The following STAU2 variants were observed in gnomAD, a reference collection of about 807,000 sequenced individuals.
STAU2 encodes double-stranded RNA-binding protein Staufen homolog 2.
A neutral mutation model predicts 65.9 loss-of-function variants in STAU2; 20 were observed. That is an observed-to-expected ratio of 0.30 (90% CI 0.21 to 0.44). STAU2 has a LOEUF of 0.44. STAU2 is among the 20% of genes least tolerant of loss of function. The probability of loss-of-function intolerance (pLI) is 1.00; values close to 1 mark genes in which losing one functional copy is unlikely to be tolerated. For missense variants in STAU2, 558 were observed against 683.9 expected (o/e 0.82, Z 2.05); for synonymous variants, 232 against 233.9 (o/e 0.99, Z 0.07).
intron 6 of STAU2, among the ~76,000 whole-genome samples, chr8:73,655,753 A>G (rs1487806504): frequency 7.1e-6 from 1 of 141,070 alleles, no homozygotes; most frequent in Non-Finnish European, 1.5e-5. Flanking sequence ...GGTTCACGCC[A>G]TTCTCCTGCC....
intron 3 of STAU2, among the ~76,000 whole-genome samples, chr8:73,719,356 G>A (rs1012925334): frequency 3.9e-5 from 6 of 152,044 alleles, no homozygotes; most frequent in Non-Finnish European, 8.8e-5. Flanking sequence ...AGTGAGCCGA[G>A]ATCGTGCCAC....
At chr8:73,722,942 ACACTT>A (rs574957509) in intron 3 of STAU2, among the ~76,000 whole-genome samples, 84 of 152,338 alleles carry the variant, frequency 5.5e-4, no homozygotes, top group African/African-American at 1.8e-3. Flanking sequence ...AGCTACACAT[ACACTT>A]AAGAAAGATT....
Position 73,734,801 on chromosome 8 carries a change from A to T in STAU2, c.-18+3483T>A, listed in dbSNP as rs201752466. On this transcript the variant is annotated intron_variant, in intron 3 of 14. Coordinates refer to ENST00000524300, the MANE Select transcript of STAU2 (RefSeq NM_001164380.2). ...AGAGTGAGACTCCATCTCAAAAAATAAAAAATAAAAAAGCATCTAATTCAG... is the reference window on the plus strand; with the variant it reads ...AGAGTGAGACTCCATCTCAAAAAATTAAAAATAAAAAAGCATCTAATTCAG... 0.013 allele frequency among the ~76,000 whole-genome samples: 2,006 copies of T among 150,626 alleles called. 71 individuals are homozygous for T. The East Asian group carries it at 0.15, about 11-fold the overall frequency.
At chr8:73,702,436 T>C (rs1820179877) in intron 4 of STAU2, among the ~76,000 whole-genome samples, 1 of 152,110 alleles carries the variant, frequency 6.6e-6, no homozygotes, top group African/African-American at 2.4e-5. Context: ...TTGTTCTTTT[T>C]CTTCACATAG....
intron 13 of STAU2, among the ~76,000 whole-genome samples, chr8:73,467,489 G>A (rs1016132489): frequency 2.6e-5 from 4 of 152,094 alleles, no homozygotes; most frequent in South Asian, 2.1e-4. Context: ...CCGAGATCGC[G>A]CCACTGCACT....
intron 11 of STAU2, among the ~76,000 whole-genome samples, chr8:73,586,073 T>C (rs1419287234): frequency 6.6e-6 from 1 of 152,138 alleles, no homozygotes; most frequent in African/African-American, 2.4e-5. Context: ...AATTACCCAA[T>C]CTCTAGCAGT....
intron 12 of STAU2, among the ~76,000 whole-genome samples, chr8:73,572,174 C>A (rs1326309404): frequency 6.6e-6 from 1 of 152,186 alleles, no homozygotes; most frequent in African/African-American, 2.4e-5. Context: ...TTTCTGGACA[C>A]ATACACCCTC....
chr8:73,612,080 C>T lies in STAU2; in HGVS notation c.891+1664G>A, dbSNP rs535006089. On this transcript the variant is annotated intron_variant, in intron 9 of 14. Coordinates refer to ENST00000524300, the MANE Select transcript of STAU2 (RefSeq NM_001164380.2). Reference sequence around the variant, plus strand: ...GACCAGTTTTGTGCCACCATTCCAACATAAAATGCTGTTCCTCCATCACAG... The same window carrying T: ...GACCAGTTTTGTGCCACCATTCCAATATAAAATGCTGTTCCTCCATCACAG... Among the ~76,000 whole-genome samples the T allele has an allele frequency of 6.6e-4, 101 of 152,264 alleles. 2 individuals are homozygous for T. Among genetic ancestry groups the T allele is most frequent in the Non-Finnish European group, 6.9e-4 (47 of 68,008 alleles).
At chr8:73,647,768 T>C (rs781445755) in intron 6 of STAU2, among the ~76,000 whole-genome samples, 11 of 151,784 alleles carry the variant, frequency 7.2e-5, no homozygotes, top group South Asian at 2.1e-4. Flanking sequence ...TTTGTAGAGA[T>C]AGGATCTCAC....
intron 11 of STAU2, among the ~76,000 whole-genome samples, chr8:73,585,142 T>C (rs1407953854): frequency 6.6e-6 from 1 of 150,852 alleles, no homozygotes; most frequent in Non-Finnish European, 1.5e-5. Context: ...ATCTGTTTTA[T>C]TTGACTAAAC....
intron 13 of STAU2, among the ~76,000 whole-genome samples, chr8:73,482,966 T>C (rs1820714615): frequency 6.6e-6 from 1 of 152,150 alleles, no homozygotes; most frequent in African/African-American, 2.4e-5. Context: ...CCATATCTCT[T>C]ATAATTTCCT....
intron 13 of STAU2, among the ~76,000 whole-genome samples, chr8:73,462,285 G>A (rs1819404186): frequency 6.6e-6 from 1 of 151,752 alleles, no homozygotes; most frequent in African/African-American, 2.4e-5. Context: ...ATAGAGACAG[G>A]GTTTTCCCAT....
rs571652606 is a variant in STAU2, at chr8:73,711,242, T to G, written c.-17-2080A>C. Among the ~76,000 whole-genome samples, 3 of 151,954 alleles carry G rather than the reference T, an allele frequency of 2.0e-5. No homozygotes were observed. In the East Asian group the frequency reaches 5.8e-4, roughly 29 times the overall value. On this transcript the variant is annotated intron_variant, in intron 3 of 14. Coordinates refer to ENST00000524300, the MANE Select transcript of STAU2 (RefSeq NM_001164380.2). ...AAAACCTGCATTTTACCTATTCCATTGCATGTCACACAAATTTTATAAAAC... is the reference window on the plus strand; with the variant it reads ...AAAACCTGCATTTTACCTATTCCATGGCATGTCACACAAATTTTATAAAAC...
intron 13 of STAU2, chr8:73,550,219 A>T: frequency 1.0e-6 from 1 of 985,324 alleles, no homozygotes; most frequent in Non-Finnish European, 1.2e-6. Context: ...TTGGAAACAT[A>T]TAACGTGTCC....
chr8:73,575,075 AG>A (rs1809427824), intron 12 of STAU2, among the ~76,000 whole-genome samples: 2 of 151,344 alleles, frequency 1.3e-5, no homozygotes, highest in African/African-American at 4.8e-5. Flanking sequence ...AAAAGAAAAC[AG>A]AGAAGAATTT....
intron 3 of STAU2, among the ~76,000 whole-genome samples, chr8:73,720,284 T>C (rs1205890576): frequency 9.3e-6 from 1 of 107,636 alleles, no homozygotes; most frequent in Non-Finnish European, 1.9e-5. Flanking sequence ...AAAAAAGCTA[T>C]TCAGGTTATC....
chr8:73,592,287 TCTG>T (rs1384702522), intron 11 of STAU2, among the ~76,000 whole-genome samples: 9 of 152,020 alleles, frequency 5.9e-5, no homozygotes, highest in African/African-American at 2.2e-4. Flanking sequence ...CATTACAGAT[TCTG>T]CTACTACTAA....
At chr8:73,597,503 A>AT (rs1491354969) in intron 10 of STAU2, among the ~76,000 whole-genome samples, 1 of 144,164 alleles carries the variant, frequency 6.9e-6, no homozygotes, top group African/African-American at 2.6e-5. Context: ...AAATACAAAA[A>AT]TAAAAAAAAA....
At chr8:73,495,041 T>A (rs943393079) in intron 13 of STAU2, among the ~76,000 whole-genome samples, 1 of 151,572 alleles carries the variant, frequency 6.6e-6, no homozygotes, top group Non-Finnish European at 1.5e-5. Flanking sequence ...AAACTTAAAC[T>A]GTATTCCACT....
Sources: gnomAD v4.1 joint callset for allele counts (sites outside exome capture counted in the v4.1 genomes callset) on GRCh38, gnomAD v4.1.1 for gene constraint, MANE v1.5 for transcripts, NCBI Gene and HGNC (gene_info 2026-07-23, HGNC 2026-07-21) for gene names.